ACTMAP: variants seen among roughly 807,000 people sequenced by gnomAD.
ACTMAP encodes the protein actin maturation protease.
chr19:40,743,166 G>C, the ACTMAP span, among the ~76,000 whole-genome samples: 1 of 152,060 alleles, frequency 6.6e-6, no homozygotes. Flanking sequence ...TTTCTTTCAG[G>C]CAGGGGGAAT....
chr19:40,748,044 G>A, the ACTMAP span, among the ~76,000 whole-genome samples: 1 of 152,210 alleles, frequency 6.6e-6, no homozygotes, highest in Non-Finnish European at 1.5e-5. Flanking sequence ...GGGTTGTTGA[G>A]AGGATTCAGT....
chr19:40,747,475 T>C, the ACTMAP span, among the ~76,000 whole-genome samples: 2 of 151,686 alleles, frequency 1.3e-5, no homozygotes, highest in Non-Finnish European at 2.9e-5. Flanking sequence ...GAGGCAGAGG[T>C]TGCAGTGAGC....
the ACTMAP span, chr19:40,743,892 AG>A: frequency 6.2e-7 from 1 of 1,613,634 alleles, no homozygotes; most frequent in South Asian, 1.1e-5. Flanking sequence ...CAGACAAAGG[AG>A]GGGGAACCCA....
the ACTMAP span, among the ~76,000 whole-genome samples, chr19:40,743,053 C>T: frequency 3.9e-5 from 6 of 152,096 alleles, no homozygotes; most frequent in Non-Finnish European, 8.8e-5. Context: ...ATCCTCAGCT[C>T]TTTAGGGAAG....
chr19:40,748,324 G>A, the ACTMAP span, among the ~76,000 whole-genome samples: 20 of 152,010 alleles, frequency 1.3e-4, no homozygotes, highest in South Asian at 1.7e-3. Flanking sequence ...TTAGCTGGGC[G>A]TGGTGGTGGG....
the ACTMAP span, chr19:40,743,884 G>A: frequency 6.2e-7 from 1 of 1,613,236 alleles, no homozygotes; most frequent in Non-Finnish European, 8.5e-7. Context: ...GAGGGGTGCA[G>A]ACAAAGGAGG....
chr19:40,740,891 G>A, the ACTMAP span: 2 of 398,450 alleles, frequency 5.0e-6, no homozygotes, highest in Non-Finnish European at 8.9e-6. Flanking sequence ...TGCATCTGGA[G>A]TGTATTTGGA....
At chr19:40,745,128 ACT>A in the ACTMAP span, 1 of 1,551,776 alleles carries the variant, frequency 6.4e-7, no homozygotes, top group African/African-American at 1.4e-5. Context: ...CAGGGCACAT[ACT>A]GAGGGCCTTC....
At chr19:40,749,022 G>C in the ACTMAP span, among the ~76,000 whole-genome samples, 1 of 122,236 alleles carries the variant, frequency 8.2e-6, no homozygotes, top group Non-Finnish European at 1.6e-5. Context: ...ACAGAGTCTT[G>C]CTCTGTCTTC....
the ACTMAP span, chr19:40,749,383 T>C: frequency 6.5e-5 from 82 of 1,255,204 alleles, 1 homozygote; most frequent in East Asian, 2.1e-3. Flanking sequence ...AGTCAGCCTG[T>C]TTGATCTTGA....
the ACTMAP span, among the ~76,000 whole-genome samples, chr19:40,746,625 T>A: frequency 6.6e-6 from 1 of 152,216 alleles, no homozygotes; most frequent in Non-Finnish European, 1.5e-5. Context: ...TTTGCCCGCC[T>A]CAGCCTACCA....
At chr19:40,748,218 C>T in the ACTMAP span, among the ~76,000 whole-genome samples, 4 of 152,092 alleles carry the variant, frequency 2.6e-5, no homozygotes, top group East Asian at 7.7e-4. Context: ...AATCCCACCA[C>T]TTTGGGAGGC....
chr19:40,743,812 A>G, the ACTMAP span: 1 of 1,479,078 alleles, frequency 6.8e-7, no homozygotes, highest in Non-Finnish European at 9.4e-7. Flanking sequence ...CTGGCTGGGG[A>G]GGCACCAGCA....
chr19:40,749,636 G>C, the ACTMAP span: 1 of 1,549,928 alleles, frequency 6.5e-7, no homozygotes, highest in South Asian at 1.2e-5. Context: ...GAGGCAGTGG[G>C]AGCGGTGGGG....
At chr19:40,746,239 G>A in the ACTMAP span, among the ~76,000 whole-genome samples, 1 of 152,044 alleles carries the variant, frequency 6.6e-6, no homozygotes, top group Non-Finnish European at 1.5e-5. Flanking sequence ...TGTTTTTTGG[G>A]ACAGAGTTTC....
At chr19:40,744,093 C>T in the ACTMAP span, 1 of 1,613,858 alleles carries the variant, frequency 6.2e-7, no homozygotes, top group Non-Finnish European at 8.5e-7. Context: ...GTCCAGTGAC[C>T]AGGTGCTGCA....
the ACTMAP span, chr19:40,745,079 G>A: frequency 1.3e-6 from 2 of 1,542,028 alleles, no homozygotes; most frequent in Non-Finnish European, 1.8e-6. Flanking sequence ...GCCCAGCAAG[G>A]GCAGAGTAAA....
the ACTMAP span, chr19:40,745,114 G>A: frequency 7.8e-5 from 121 of 1,551,600 alleles, 1 homozygote; most frequent in Middle Eastern, 5.0e-4. Context: ...TGGGGTTCCC[G>A]CATCAGGGCA....
chr19:40,744,627 A>T, the ACTMAP span: 2 of 1,613,488 alleles, frequency 1.2e-6, no homozygotes, highest in Non-Finnish European at 1.7e-6. Flanking sequence ...CTCCAGGGGG[A>T]CGCCACTGGG....
Sources: gnomAD v4.1 joint callset for allele counts (sites outside exome capture counted in the v4.1 genomes callset) on GRCh38, gnomAD v4.1.1 for gene constraint, MANE v1.5 for transcripts, NCBI Gene and HGNC (gene_info 2026-07-23, HGNC 2026-07-21) for gene names.